Variants in SLC6A6 observed in about 807,000 individuals in gnomAD.
SLC6A6 encodes the protein solute carrier family 6 member 6.
In SLC6A6, 16 loss-of-function variants were observed where a neutral mutation model predicts 68.8. The observed-to-expected ratio is 0.23, with a 90% confidence interval of 0.16 to 0.35. The LOEUF is 0.35. Among genes scored for constraint, SLC6A6 ranks in the 10% least tolerant of loss-of-function variants. SLC6A6 has a pLI of 1.00. For synonymous variants in SLC6A6, 312 were observed against 315.4 expected, an observed-to-expected ratio of 0.99 and a Z score of 0.12; for missense variants, 474 against 802.8, an observed-to-expected ratio of 0.59 and a Z score of 4.95.
rs766367137 is a variant in SLC6A6, at chr3:14,481,882, G to A, written c.1722+41G>A. 5.8e-6 allele frequency: 9 copies of A among 1,550,436 alleles called. No homozygotes were observed. The highest frequency in any genetic ancestry group is 6.2e-6 in the Non-Finnish European group (7 of 1,129,244). ...CAGGGCCAGGGGAGGTGGGAGGCGC[G>A]AGGCCAAAGGTGATTGTTGTCAGTT... On this transcript the variant is annotated intron_variant, in intron 14 of 14. Transcript: ENST00000622186. The surrounding 1 kb of genome is among the most constrained non-coding windows in gnomAD (Gnocchi z 4.7).
In SLC6A6 at chr3:14,477,980, G is replaced by A. The variant is rs975342710; in HGVS notation, c.1348-486G>A. On this transcript the variant is annotated intron_variant, in intron 11 of 14. Transcript: ENST00000622186. The surrounding 1 kb of genome is among the most constrained non-coding windows in gnomAD (Gnocchi z 4.2). ...AAGCCTAGCATCAAAGCCAGGGCACGCTCTCTCCTGCATGCCCCCCCCCAC... is the reference window on the plus strand; with the variant it reads ...AAGCCTAGCATCAAAGCCAGGGCACACTCTCTCCTGCATGCCCCCCCCCAC... Among the ~76,000 whole-genome samples the A allele has an allele frequency of 2.6e-5, 4 of 151,056 alleles. No individual in the cohort carries two copies. The highest frequency in any genetic ancestry group is 2.1e-4 in the South Asian group (1 of 4,744).
rs3836358 is a variant in SLC6A6 at position 14,447,221 on chromosome 3, T to TATCCATCCATCCATCC, written c.365-331_365-316dup. On this transcript the variant is annotated intron_variant, in intron 4 of 14. Coordinates refer to ENST00000622186, the MANE Select transcript of SLC6A6 (RefSeq NM_003043.6). The stretch of plus-strand genomic sequence containing the variant: ...CATCTATTTATCTCATCTATTCAGC[T>TATCCATCCATCCATCC]ATCCATCCATCCATCCATCCATCCA... 1.0e-4 allele frequency among the ~76,000 whole-genome samples: 15 copies of TATCCATCCATCCATCC among 149,352 alleles called. 1 individual carries two copies. The highest frequency in any genetic ancestry group is 5.4e-4 in the Admixed American group (8 of 14,950).
intron 2 of SLC6A6, among the ~76,000 whole-genome samples, chr3:14,439,766 A>T (rs893084): frequency 0.78 from 117,794 of 151,944 alleles, 46,026 homozygotes; most frequent in African/African-American, 0.87. Flanking sequence ...TGTGTGTGTG[A>T]GGAAGCTGGG....
Position 14,445,652 on chromosome 3 carries a change from G to A in SLC6A6, c.230-65G>A, listed in dbSNP as rs537717983. 65 of 1,590,018 alleles carry A rather than the reference G, an allele frequency of 4.1e-5. No individual in the cohort carries two copies. In the South Asian group the frequency reaches 6.9e-4, roughly 17 times the overall value. On this transcript the variant is annotated intron_variant, in intron 3 of 14. Transcript: ENST00000622186. ...CTGGTTCCATTGGCTGGGAGGGCTT[G>A]GGAGCCTTCTGCGTCGGCGCTGCCA...
At chr3:14,466,211 G>A (rs1401697997) in intron 6 of SLC6A6, among the ~76,000 whole-genome samples, 4 of 149,456 alleles carry the variant, frequency 2.7e-5, no homozygotes, top group Non-Finnish European at 5.9e-5. Flanking sequence ...GCAGTGAGCC[G>A]AGATCGTGCC....
Position 14,477,378 on chromosome 3 carries a change from G to A in SLC6A6, c.1347+36G>A, listed in dbSNP as rs769693499. 2 of 1,608,656 alleles carry A rather than the reference G, an allele frequency of 1.2e-6. No homozygotes were observed. The highest frequency in any genetic ancestry group is 2.2e-5 in the East Asian group (1 of 44,816). ...CTCTCAGCTGTGTTTCAGGCTTGGT[G>A]CTCCAGTGCCCTCCTCAAGGCCATA... On this transcript the variant is annotated intron_variant, in intron 11 of 14. Transcript: ENST00000622186. This position sits in a 1 kb window ranked among gnomAD's most constrained non-coding sequence, Gnocchi z 4.2.
rs140076550 is a variant in SLC6A6 at position 14,435,019 on chromosome 3, G to A, written c.-11-8605G>A. ...CATACCGTGTCTCGCCACCCCCGGC[G>A]TTGTTCCAGAGGCTTGTTCTTTGCA... On this transcript the variant is annotated intron_variant, in intron 2 of 14. Coordinates refer to ENST00000622186, the MANE Select transcript of SLC6A6 (RefSeq NM_003043.6). Among the ~76,000 whole-genome samples, 207 of 152,348 alleles carry A rather than the reference G, an allele frequency of 1.4e-3. 1 individual carries two copies. Among genetic ancestry groups the A allele is most frequent in the Middle Eastern group, 3.4e-3 (1 of 294 alleles).
intron 9 of SLC6A6, among the ~76,000 whole-genome samples, chr3:14,469,378 T>C (rs3773173): frequency 0.077 from 11,681 of 152,122 alleles, 581 homozygotes; most frequent in East Asian, 0.17. Flanking sequence ...CCGGAGGCCC[T>C]GCCATTCCAC....
intron 5 of SLC6A6, among the ~76,000 whole-genome samples, chr3:14,453,080 G>T (rs921356588): frequency 1.3e-5 from 2 of 152,268 alleles, no homozygotes; most frequent in Admixed American, 6.5e-5. Context: ...ACGGCCCCGT[G>T]CTCTGGGCGG....
chr3:14,455,926 A>G (rs557632303), intron 5 of SLC6A6, among the ~76,000 whole-genome samples: 1 of 152,258 alleles, frequency 6.6e-6, no homozygotes, highest in African/African-American at 2.4e-5. Flanking sequence ...AGATTGTTAA[A>G]TCAGCATATA....
rs375381605 is a variant in SLC6A6 at position 14,440,378 on chromosome 3, A to G, written c.-11-3246A>G. On this transcript the variant is annotated intron_variant, in intron 2 of 14. Coordinates refer to ENST00000622186, the MANE Select transcript of SLC6A6 (RefSeq NM_003043.6). The stretch of plus-strand genomic sequence containing the variant: ...CTCCAACAGCCAGTGGGGAAGGTTC[A>G]GAGGGGACTGAGCCTGAGCAGTAGG... 5.3e-5 allele frequency among the ~76,000 whole-genome samples: 8 copies of G among 152,190 alleles called. No homozygotes were observed. In the East Asian group the frequency reaches 1.4e-3, roughly 26 times the overall value.
chr3:14,479,245 C>T, intron 13 of SLC6A6, 60 bp downstream of exon 13: 1 of 1,025,926 alleles, frequency 9.7e-7, no homozygotes, highest in Non-Finnish European at 1.6e-6. Flanking sequence ...TTGACATTTT[C>T]ACCCGCTAAA....
At chr3:14,465,156 C>T (rs538158840) in intron 6 of SLC6A6, among the ~76,000 whole-genome samples, 26 of 152,338 alleles carry the variant, frequency 1.7e-4, no homozygotes, top group African/African-American at 6.3e-4. Flanking sequence ...CACCTTCGAA[C>T]TCCTCCCAGG....
intron 1 of SLC6A6, among the ~76,000 whole-genome samples, chr3:14,414,770 C>T (rs529337494): frequency 6.6e-6 from 1 of 152,280 alleles, no homozygotes; most frequent in South Asian, 2.1e-4. Flanking sequence ...GGCTCATGAG[C>T]CTTCTGCCTC....
intron 6 of SLC6A6, among the ~76,000 whole-genome samples, 192 bp downstream of exon 6, chr3:14,458,274 T>C (rs1322611878): frequency 6.6e-6 from 1 of 152,252 alleles, no homozygotes; most frequent in African/African-American, 2.4e-5. Context: ...ATGGTGTCAG[T>C]GCTCCCACCA....
chr3:14,452,355 G>T (rs1468161505), intron 5 of SLC6A6, among the ~76,000 whole-genome samples: 2 of 152,348 alleles, frequency 1.3e-5, no homozygotes, highest in African/African-American at 4.8e-5. Flanking sequence ...TTGGAGCTAA[G>T]ACCAGGGATG....
chr3:14,440,285 C>A (rs1699951691), intron 2 of SLC6A6, among the ~76,000 whole-genome samples: 1 of 152,078 alleles, frequency 6.6e-6, no homozygotes, highest in African/African-American at 2.4e-5. Context: ...GGCTTATATT[C>A]TGGTCCCTGT....
intron 3 of SLC6A6, among the ~76,000 whole-genome samples, 176 bp from the exon 4 acceptor site, chr3:14,445,541 C>G (rs551505529): frequency 6.8e-4 from 104 of 152,288 alleles, no homozygotes; most frequent in African/African-American, 2.4e-3. Context: ...AAGGTGAAAC[C>G]AGCTGGCCAG....
At chr3:14,452,911 C>T (rs1033338551) in intron 5 of SLC6A6, among the ~76,000 whole-genome samples, 4 of 152,190 alleles carry the variant, frequency 2.6e-5, no homozygotes, top group Non-Finnish European at 4.4e-5. Flanking sequence ...AGGCTGGAGC[C>T]GTGCCTTCCT....
Sources: allele counts gnomAD v4.1 joint callset (sites outside exome capture counted in the v4.1 genomes callset), GRCh38; gene constraint gnomAD v4.1.1; non-coding constraint Gnocchi (gnomAD v3.1); transcripts MANE v1.5; gene names NCBI Gene and HGNC (gene_info 2026-07-23, HGNC 2026-07-21).